CISTR: variants seen among roughly 807,000 people sequenced by gnomAD.
CISTR encodes chondrogenic regulator lncRNA.
At chr12:53,752,239 C>A (rs1937861715) in intron 1 of CISTR, among the ~76,000 whole-genome samples, 1 of 152,216 alleles carries the variant, frequency 6.6e-6, no homozygotes, top group Admixed American at 6.5e-5. Context: ...GGCCGTCTAC[C>A]CTCGGGTTTC....
intron 1 of CISTR, among the ~76,000 whole-genome samples, chr12:53,755,080 T>G (rs1937900594): frequency 6.6e-6 from 1 of 152,220 alleles, no homozygotes; most frequent in Non-Finnish European, 1.5e-5. Flanking sequence ...GCCACCAAGC[T>G]GCATGCAGGG....
intron 1 of CISTR, among the ~76,000 whole-genome samples, chr12:53,755,308 GGTGTGTGTGT>G (rs3058893): frequency 1.6e-4 from 23 of 147,246 alleles, no homozygotes; most frequent in African/African-American, 4.8e-4. Context: ...TCCTGTTTGG[GGTGTGTGTGT>G]GTGTGTGTGT....
intron 2 of CISTR, among the ~76,000 whole-genome samples, chr12:53,748,299 G>A (rs202077763): frequency 1.3e-5 from 2 of 151,996 alleles, no homozygotes; most frequent in Non-Finnish European, 2.9e-5. Context: ...CCGCGCCAGC[G>A]CCCCCCCAAC....
At chr12:53,753,667 TGTG>T (rs1565659677) in intron 1 of CISTR, among the ~76,000 whole-genome samples, 17 of 34,142 alleles carry the variant, frequency 5.0e-4, no homozygotes, top group African/African-American at 1.1e-3. Flanking sequence ...TGCATAGGGG[TGTG>T]TGTGTGTGTG....
chr12:53,747,466 G>GAGAGGA (rs1379172303), intron 2 of CISTR, among the ~76,000 whole-genome samples: 1 of 152,144 alleles, frequency 6.6e-6, no homozygotes, highest in Non-Finnish European at 1.5e-5. Flanking sequence ...GCAAGGGAGG[G>GAGAGGA]AGAGGAAGAG....
Position 53,753,665 on chromosome 12 carries a change from G to GGTGTGTGT in CISTR, n.415-2708_415-2701dup, listed in dbSNP as rs55769002. Among the ~76,000 whole-genome samples the GGTGTGTGT allele has an allele frequency of 5.7e-3, 803 of 141,306 alleles. 10 individuals are homozygous for GGTGTGTGT. The highest frequency in any genetic ancestry group is 0.012 in the African/African-American group (439 of 37,512). The allele number at this position is 141,306 out of a possible 152,430, so 92.7% of individuals were successfully genotyped here. On this transcript the variant is annotated intron_variant and non_coding_transcript_variant, in intron 1 of 2. Coordinates refer to ENST00000669269, the Ensembl canonical transcript of CISTR. Reference sequence around the variant, plus strand: ...GGCAGATGGGGAAGGAATGCATAGGGGTGTGTGTGTGTGTGTGTGTGTGTG... The same window carrying GGTGTGTGT: ...GGCAGATGGGGAAGGAATGCATAGGGGTGTGTGTGTGTGTGTGTGTGTGTGTGTGTGTG...
intron 2 of CISTR, among the ~76,000 whole-genome samples, chr12:53,748,746 C>T (rs141270361): frequency 1.4e-3 from 207 of 152,100 alleles, no homozygotes; most frequent in African/African-American, 4.7e-3. Flanking sequence ...GGGCCAGGGC[C>T]GATAATATAC....
rs571348636 is a variant in CISTR, at chr12:53,748,468, C to T, written n.1064-1620G>A. Reference sequence around the variant, plus strand: ...CCAGCACTCTGGAGATGAAGAGAGACGGACAGAGGGAACAGAGACACTGCC... The same window carrying T: ...CCAGCACTCTGGAGATGAAGAGAGATGGACAGAGGGAACAGAGACACTGCC... On this transcript the variant is annotated intron_variant and non_coding_transcript_variant, in intron 2 of 2. Transcript: ENST00000669269. Among the ~76,000 whole-genome samples, 7 of 152,004 alleles carry T rather than the reference C, an allele frequency of 4.6e-5. 1 individual carries two copies. Among genetic ancestry groups the T allele is most frequent in the Admixed American group, 2.0e-4 (3 of 15,270 alleles).
chr12:53,747,070 T>C (rs1307894534), intron 2 of CISTR, among the ~76,000 whole-genome samples: 2 of 152,252 alleles, frequency 1.3e-5, no homozygotes, highest in Admixed American at 6.5e-5. Context: ...GCAATTTCTC[T>C]TCTTCCTCTT....
chr12:53,752,636 TC>T (rs1477399152), intron 1 of CISTR, among the ~76,000 whole-genome samples: 3 of 152,230 alleles, frequency 2.0e-5, no homozygotes, highest in African/African-American at 7.2e-5. Flanking sequence ...CCTGGAGCTT[TC>T]TTAAAGGGTT....
At chr12:53,747,553 T>C (rs540667975) in intron 2 of CISTR, among the ~76,000 whole-genome samples, 21 of 152,126 alleles carry the variant, frequency 1.4e-4, no homozygotes, top group Non-Finnish European at 2.5e-4. Context: ...GAGCTGAGAT[T>C]TGATGATTAC....
At chr12:53,750,105 C>T (rs910266005) in intron 2 of CISTR, among the ~76,000 whole-genome samples, 1 of 152,208 alleles carries the variant, frequency 6.6e-6, no homozygotes, top group Admixed American at 6.5e-5. Context: ...ATCTTACAGT[C>T]ATCCTCCCTG....
At chr12:53,754,800 T>C (rs1171037851) in intron 1 of CISTR, among the ~76,000 whole-genome samples, 1 of 152,182 alleles carries the variant, frequency 6.6e-6, no homozygotes, top group Admixed American at 6.5e-5. Context: ...CTTCATACTT[T>C]CAATCTCTGT....
intron 1 of CISTR, among the ~76,000 whole-genome samples, chr12:53,753,665 G>GGGGTGTGTGT (rs1394699395): frequency 2.8e-5 from 4 of 141,224 alleles, no homozygotes; most frequent in African/African-American, 1.1e-4. Flanking sequence ...AATGCATAGG[G>GGGGTGTGTGT]GTGTGTGTGT....
intron 1 of CISTR, among the ~76,000 whole-genome samples, chr12:53,753,616 G>T (rs2120739187): frequency 6.6e-6 from 1 of 152,178 alleles, no homozygotes; most frequent in South Asian, 2.1e-4. Flanking sequence ...CTTGGGGTAA[G>T]GGATGGCTAA....
rs989975349 is a variant in CISTR at position 53,756,329 on chromosome 12, C to T, written n.414+485G>A. Among the ~76,000 whole-genome samples, 8 of 152,032 alleles carry T rather than the reference C, an allele frequency of 5.3e-5. No homozygotes were observed. The highest frequency in any genetic ancestry group is 2.6e-4 in the Admixed American group (4 of 15,280). The stretch of plus-strand genomic sequence containing the variant: ...CTCTTACCTCCCCAAAGTAAGAGAA[C>T]GGAGTAGAGAGGAGTGGGAAAAGAT... On this transcript the variant is annotated intron_variant and non_coding_transcript_variant, in intron 1 of 2. Coordinates refer to ENST00000669269, the Ensembl canonical transcript of CISTR. This position sits in a 1 kb window ranked among gnomAD's most constrained non-coding sequence, Gnocchi z 4.0.
intron 1 of CISTR, among the ~76,000 whole-genome samples, chr12:53,753,540 TAGC>T (rs1347203593): frequency 6.6e-6 from 1 of 152,134 alleles, no homozygotes; most frequent in Non-Finnish European, 1.5e-5. Flanking sequence ...TTCATTTAGT[TAGC>T]AGGGAGCAGC....
At chr12:53,746,680 G>A (rs1035175748) in exon 3 of CISTR, among the ~76,000 whole-genome samples, 3 of 152,244 alleles carry the variant, frequency 2.0e-5, no homozygotes, top group East Asian at 3.9e-4. Flanking sequence ...AGACGTCCCC[G>A]GCCTAGGGCA....
chr12:53,753,756 G>A (rs1275732203), intron 1 of CISTR, among the ~76,000 whole-genome samples: 1 of 106,748 alleles, frequency 9.4e-6, no homozygotes, highest in Admixed American at 8.7e-5. Flanking sequence ...CCGAGGCAGG[G>A]AGGATGCAGG....
Sources: allele counts gnomAD v4.1 joint callset (sites outside exome capture counted in the v4.1 genomes callset), GRCh38; gene constraint gnomAD v4.1.1; non-coding constraint Gnocchi (gnomAD v3.1); transcripts MANE v1.5; gene names NCBI Gene and HGNC (gene_info 2026-07-23, HGNC 2026-07-21).